NKTR: variants seen among roughly 807,000 people sequenced by gnomAD.
NKTR encodes NK-tumor recognition protein.
A neutral mutation model predicts 156.3 loss-of-function variants in NKTR; 67 were observed. The observed-to-expected ratio is 0.43, with a 90% CI of 0.35 to 0.53. NKTR has a LOEUF of 0.53. Ranked by LOEUF, NKTR falls within the 20% of genes least tolerant of loss-of-function variation. The probability of loss-of-function intolerance (pLI) is 0.01; values close to 1 mark genes in which losing one functional copy is unlikely to be tolerated. For missense variants in NKTR, 1,604 were observed against 1,730.9 expected (o/e 0.93, Z 1.30); for synonymous variants, 640 against 596.6 (o/e 1.07, Z -1.06).
Position 42,638,322 on chromosome 3 carries a change from G to T in NKTR, c.2618G>T (p.Ser873Ile). 1 of 1,610,290 alleles carries T rather than the reference G, an allele frequency of 6.2e-7. No individual in the cohort carries two copies. Among genetic ancestry groups the T allele is most frequent in the Non-Finnish European group, 8.5e-7 (1 of 1,179,032 alleles). The change falls in exon 13 of 17, where the codon AGT becomes ATT. Residue 873 changes from serine to isoleucine, a missense_variant. Transcript: ENST00000232978. ...ENLSDHLRNG[S>I]KPKRKNYAGS... ...CTTTCTGATCACCTTAGAAATGGCA[G>T]TAAGCCCAAAAGGAAGAATTATGCT...
In NKTR at chr3:42,631,335, G is replaced by A. The variant is rs754776862; in HGVS notation, c.550+19G>A. On this transcript the variant is annotated intron_variant, in intron 8 of 16. Transcript: ENST00000232978. ...AAAGATGGTAAGAACTTTTTTGACAGTAGATGAAGCTAAGATGCAGGTAAA... is the reference window on the plus strand; with the variant it reads ...AAAGATGGTAAGAACTTTTTTGACAATAGATGAAGCTAAGATGCAGGTAAA... 6.2e-7 allele frequency: 1 copy of A among 1,610,956 alleles called. No homozygotes were observed. The highest frequency in any genetic ancestry group is 1.1e-5 in the South Asian group (1 of 90,822).
intron 9 of NKTR, 57 bp from the exon 10 acceptor site, chr3:42,633,522 CT>C: frequency 6.4e-7 from 1 of 1,562,640 alleles, no homozygotes; most frequent in Admixed American, 2.0e-5. Context: ...ATTTTATGTG[CT>C]TTTATTATGA....
rs754474927 is a variant in NKTR at position 42,637,965 on chromosome 3, G to A, written c.2261G>A (p.Arg754Gln). 24 of 1,613,742 alleles carry A rather than the reference G, an allele frequency of 1.5e-5. No homozygotes were observed. The highest frequency in any genetic ancestry group is 3.3e-5 in the South Asian group (3 of 91,056). The stretch of plus-strand genomic sequence containing the variant: ...TCTATTAGCAGTGATGATGGAAGGC[G>A]AGCTAAGAGGAGACTTAGATCCAGT... Reference protein sequence around the residue: ...YTSISSDDGRRAKRRLRSSGK... With the variant: ...YTSISSDDGRQAKRRLRSSGK... The change falls in exon 13 of 17, where the codon CGA becomes CAA. Residue 754 changes from arginine (R) to glutamine (Q), a missense_variant. Transcript: ENST00000232978.
intron 12 of NKTR, among the ~76,000 whole-genome samples, chr3:42,636,580 C>T (rs1709435916): frequency 6.6e-6 from 1 of 152,122 alleles, no homozygotes; most frequent in South Asian, 2.1e-4. Flanking sequence ...TTGAGTTCAG[C>T]AGTGTTCTTG....
Position 42,634,633 on chromosome 3 carries a change from C to T in NKTR, c.950C>T (p.Pro317Leu). ...CCTAGGAAGATTCCTGATGTTGCAC[C>T]CATTGTAAGTGATCAGAAACCATCT... Reference protein sequence around the residue: ...EPEPKIPDVAPIVSDQKPSVS... With the variant: ...EPEPKIPDVALIVSDQKPSVS... Residue 317 changes from proline to leucine, a missense_variant, in exon 11 of 17, where the codon CCC (proline) becomes CTC (leucine). Pro to Leu is a moderately conservative substitution (Grantham distance 98). Around this residue, in one of 6 missense-constraint regions of NKTR, gnomAD observed 1,255 missense variants for 1,243.7 expected, o/e 1.01. Coordinates refer to ENST00000232978, the MANE Select transcript of NKTR (RefSeq NM_005385.4). The T allele has an allele frequency of 6.3e-7, 1 of 1,583,878 alleles. No individual in the cohort carries two copies. Among genetic ancestry groups the T allele is most frequent in the Non-Finnish European group, 8.6e-7 (1 of 1,163,174 alleles).
At position 42,619,722 on chromosome 3, in the gene NKTR, T is replaced by G; in HGVS notation, c.286+14T>G. 1 of 1,608,348 alleles carries G rather than the reference T, an allele frequency of 6.2e-7. No individual in the cohort carries two copies. The highest frequency in any genetic ancestry group is 8.5e-7 in the Non-Finnish European group (1 of 1,177,030). On this transcript the variant is annotated intron_variant, in intron 5 of 16. Transcript: ENST00000232978. ...GATATTTTAAAGGTAAGGCTTAATATTTTACGGTCTTTTGTTTCAGTTCTG... is the reference window on the plus strand; with the variant it reads ...GATATTTTAAAGGTAAGGCTTAATAGTTTACGGTCTTTTGTTTCAGTTCTG...
chr3:42,627,520 T>TA (rs2125797540), intron 6 of NKTR: 1 of 985,248 alleles, frequency 1.0e-6, no homozygotes, highest in South Asian at 4.7e-5. Flanking sequence ...GTCATTTCTG[T>TA]ATAAGGGCAA....
rs1707894213 is a variant in NKTR, at chr3:42,621,454, CAG to C, written c.315_316del (p.Arg105SerfsTer43). On this transcript the variant is annotated frameshift_variant, in exon 6 of 17. Transcript: ENST00000232978. LOFTEE classifies it high-confidence loss of function. ...ATGAAAACTTTATTCTCAAACATGACAGAGCGTTCCTTTTATCAATGGCAAAT... is the reference window on the plus strand; with the variant it reads ...ATGAAAACTTTATTCTCAAACATGACAGCGTTCCTTTTATCAATGGCAAAT... Reference protein sequence around the residue: ...KDENFILKHDRAFLLSMANRG... With the variant: ...KDENFILKHDXAFLLSMANRG... The C allele has an allele frequency of 1.2e-6, 2 of 1,609,346 alleles. No homozygotes were observed. The highest frequency in any genetic ancestry group is 1.7e-6 in the Non-Finnish European group (2 of 1,177,624).
intron 2 of NKTR, 131 bp downstream of exon 2, chr3:42,601,195 C>T (rs1379610043): frequency 2.9e-6 from 2 of 680,160 alleles, no homozygotes; most frequent in Non-Finnish European, 4.6e-6. Flanking sequence ...TCCGTTTTCT[C>T]TTGAGAGAAA....
At chr3:42,621,613 C>A in intron 6 of NKTR, 97 bp downstream of exon 6, 3 of 1,248,236 alleles carry the variant, frequency 2.4e-6, no homozygotes, top group Non-Finnish European at 2.2e-6. Context: ...TGCTAAAATT[C>A]TGTCAGCTTT....
chr3:42,630,899 C>T, intron 7 of NKTR: 1 of 1,365,188 alleles, frequency 7.3e-7, no homozygotes. Flanking sequence ...TTCCCAAGTA[C>T]CAAGCGAAAT....
At chr3:42,601,130 C>T (rs1577392202) in intron 2 of NKTR, 66 bp downstream of exon 2, 1 of 1,301,500 alleles carries the variant, frequency 7.7e-7, no homozygotes, top group Non-Finnish European at 1.0e-6. Flanking sequence ...AGGGGTCTAC[C>T]CTCAGCAACC....
chr3:42,644,251 A>G (rs944017364), intron 16 of NKTR, among the ~76,000 whole-genome samples: 1 of 152,210 alleles, frequency 6.6e-6, no homozygotes, highest in Non-Finnish European at 1.5e-5. Flanking sequence ...AAATATTCAC[A>G]TATCTTGGAC....
At chr3:42,617,034 G>C (rs1014461378) in intron 2 of NKTR, among the ~76,000 whole-genome samples, 5 of 152,152 alleles carry the variant, frequency 3.3e-5, no homozygotes, top group African/African-American at 1.2e-4. Flanking sequence ...TGGGATTATA[G>C]GTGTGAGCCA....
chr3:42,601,283 C>G, intron 2 of NKTR: 1 of 408,308 alleles, frequency 2.4e-6, no homozygotes, highest in East Asian at 4.0e-5. Flanking sequence ...CCCACACACC[C>G]CGCTGCATCT....
intron 10 of NKTR, among the ~76,000 whole-genome samples, chr3:42,634,100 A>G (rs987404361): frequency 6.6e-5 from 10 of 152,202 alleles, no homozygotes; most frequent in Non-Finnish European, 1.3e-4. Flanking sequence ...CTTTGGATCC[A>G]TTTGAGTGAT....
intron 1 of NKTR, 35 bp from the exon 2 acceptor site, chr3:42,600,949 C>T: frequency 3.5e-6 from 5 of 1,430,898 alleles, no homozygotes; most frequent in Non-Finnish European, 4.7e-6. Flanking sequence ...CGCCCTCGCC[C>T]CTGCCCTGAC....
intron 4 of NKTR, 168 bp from the exon 5 acceptor site, chr3:42,619,496 G>A (rs1477973743): frequency 6.9e-7 from 1 of 1,446,780 alleles, no homozygotes; most frequent in Non-Finnish European, 9.0e-7. Context: ...AATGGGACTT[G>A]ACATATATTT....
Position 42,637,840 on chromosome 3 carries a change from A to G in NKTR, c.2136A>G (p.Leu712=), listed in dbSNP as rs1559586524. The change falls in exon 13 of 17, where the codon CTA becomes CTG. Residue 712 remains leucine (L), a synonymous_variant. Transcript: ENST00000232978. The part of the protein sequence containing the change: ...YSRSYTRSRS[L]ASSHSRSRSP... ...GATCATATACAAGATCACGTAGTCT[A>G]GCTAGTTCACATTCAAGGTCTAGGT... The G allele has an allele frequency of 6.2e-7, 1 of 1,613,832 alleles. No individual in the cohort carries two copies. The highest frequency in any genetic ancestry group is 8.5e-7 in the Non-Finnish European group (1 of 1,179,876).
Sources: gnomAD v4.1 joint callset for allele counts (sites outside exome capture counted in the v4.1 genomes callset) on GRCh38, gnomAD v4.1.1 for gene constraint, gnomAD v4.1.1 regional missense constraint, MANE v1.5 for transcripts, NCBI Gene and HGNC (gene_info 2026-07-23, HGNC 2026-07-21) for gene names.